The following MAP1B variants were observed in gnomAD, a reference collection of about 807,000 sequenced individuals.
The protein encoded by MAP1B is microtubule associated protein 1B.
Under a neutral mutation model 176.1 loss-of-function variants are expected in MAP1B, and 12 were observed. The ratio of observed to expected loss-of-function variants is 0.07; its 90% confidence interval spans 0.04 to 0.11. MAP1B has a LOEUF of 0.11. Among genes scored for constraint, MAP1B ranks in the 10% least tolerant of loss-of-function variants. MAP1B has a pLI of 1.00. For missense variants in MAP1B, 2,523 were observed against 2,990.5 expected (o/e 0.84, Z 3.65); for synonymous variants, 1,044 against 1,135.0 (o/e 0.92, Z 1.61).
chr5:72,108,758 G>C (rs1439649550), intron 1 of MAP1B, among the ~76,000 whole-genome samples: 1 of 152,058 alleles, frequency 6.6e-6, no homozygotes, highest in African/African-American at 2.4e-5. Context: ...GGGCTGGCGG[G>C]GGCCGCGCGC....
In MAP1B at chr5:72,200,282, A is replaced by C; in HGVS notation, c.6927A>C (p.Lys2309Asn). ...AAKPTTTPEV[K>N]AARGEEKDKE... ...AACCCACCACCACTCCTGAGGTCAAAGCTGCACGTGGGGAAGAGAAAGACA... is the reference window on the plus strand; with the variant it reads ...AACCCACCACCACTCCTGAGGTCAACGCTGCACGTGGGGAAGAGAAAGACA... Residue 2309 changes from lysine to asparagine, a missense_variant, in exon 5 of 7, where the codon AAA becomes AAC. Around this residue, in one of 4 missense-constraint regions of MAP1B, gnomAD observed 287 missense variants for 401.5 expected, o/e 0.71. Coordinates refer to ENST00000296755, the MANE Select transcript of MAP1B (RefSeq NM_005909.5). 6.2e-7 allele frequency: 1 copy of C among 1,614,232 alleles called. No individual in the cohort carries two copies. Among genetic ancestry groups the C allele is most frequent in the Non-Finnish European group, 8.5e-7 (1 of 1,180,038 alleles).
rs201475831 is a variant in MAP1B at position 72,183,789 on chromosome 5, C to T, written c.333C>T (p.Val111=). The T allele has an allele frequency of 6.2e-7, 1 of 1,613,976 alleles. No individual in the cohort carries two copies. Among genetic ancestry groups the T allele is most frequent in the Non-Finnish European group, 8.5e-7 (1 of 1,179,990 alleles). Residue 111 remains valine, a synonymous_variant, in exon 3 of 7, where the codon GTC becomes GTT. Coordinates refer to ENST00000296755, the MANE Select transcript of MAP1B (RefSeq NM_005909.5). ...HHRSDVLETV[V]LINPSDEAVS... ...GAAGTGACGTTTTAGAAACAGTGGT[C>T]CTGATCAACCCTTCTGATGAAGCAG...
At chr5:72,159,553 A>AG (rs1746291843) in intron 2 of MAP1B, among the ~76,000 whole-genome samples, 1 of 152,232 alleles carries the variant, frequency 6.6e-6, no homozygotes, top group African/African-American at 2.4e-5. Context: ...TATCTGTTTA[A>AG]GTTGACCATC....
chr5:72,115,215 C>T (rs1375674762), intron 1 of MAP1B, among the ~76,000 whole-genome samples: 1 of 152,190 alleles, frequency 6.6e-6, no homozygotes, highest in Non-Finnish European at 1.5e-5. Context: ...ACTACCAGAA[C>T]ATCATTTTAG....
At chr5:72,125,080 T>G (rs1277270968) in intron 2 of MAP1B, among the ~76,000 whole-genome samples, 1 of 152,226 alleles carries the variant, frequency 6.6e-6, no homozygotes, top group Non-Finnish European at 1.5e-5. Flanking sequence ...TTTTGATGTG[T>G]GAAAGATGTG....
chr5:72,155,073 C>T (rs1024940921), intron 2 of MAP1B, among the ~76,000 whole-genome samples: 6 of 150,266 alleles, frequency 4.0e-5, no homozygotes, highest in Admixed American at 1.3e-4. Flanking sequence ...GCATTGTTAC[C>T]GTGTCCTTAC....
At chr5:72,180,431 A>T (rs1380743094) in intron 2 of MAP1B, among the ~76,000 whole-genome samples, 5 of 152,192 alleles carry the variant, frequency 3.3e-5, no homozygotes, top group African/African-American at 1.2e-4. Flanking sequence ...TGATGGAAAG[A>T]CCTAGAAAGA....
At chr5:72,164,421 G>C (rs1252672845) in intron 2 of MAP1B, among the ~76,000 whole-genome samples, 2 of 152,176 alleles carry the variant, frequency 1.3e-5, no homozygotes, top group South Asian at 4.1e-4. Flanking sequence ...GGGGCATCTT[G>C]AGTTGAAGAG....
intron 2 of MAP1B, among the ~76,000 whole-genome samples, chr5:72,120,861 ATTG>A (rs1745515629): frequency 6.6e-6 from 1 of 152,182 alleles, no homozygotes; most frequent in Non-Finnish European, 1.5e-5. Context: ...ATATTTGGTG[ATTG>A]TTATTATCCG....
intron 2 of MAP1B, among the ~76,000 whole-genome samples, chr5:72,167,935 T>G (rs1414129543): frequency 6.6e-6 from 1 of 152,216 alleles, no homozygotes. Context: ...CTTCTGTCAT[T>G]TAAGAATTAT....
At position 72,195,368 on chromosome 5, in the gene MAP1B, G is replaced by C; in HGVS notation, c.2013G>C (p.Lys671Asn). The change falls in exon 5 of 7, where the codon AAG (lysine) becomes AAC (asparagine). Residue 671 changes from lysine (K) to asparagine (N), a missense_variant. By Grantham distance (94) the Lys-to-Asn change is moderately conservative. This residue lies in a region of MAP1B where 1,925 missense variants were observed against 2,126.0 expected (regional missense o/e 0.91). Transcript: ENST00000296755. Reference sequence around the variant, plus strand: ...AGGAGGACAAAACACCTATCAAGAAGGAGGAAAAACCAAAAAAGGAAGAGG... The same window carrying C: ...AGGAGGACAAAACACCTATCAAGAACGAGGAAAAACCAAAAAAGGAAGAGG... ...AKKEDKTPIK[K>N]EEKPKKEEVK... 6.3e-7 allele frequency: 1 copy of C among 1,575,548 alleles called. No homozygotes were observed. The highest frequency in any genetic ancestry group is 8.6e-7 in the Non-Finnish European group (1 of 1,165,676).
intron 2 of MAP1B, among the ~76,000 whole-genome samples, chr5:72,158,092 C>T (rs1746260373): frequency 6.6e-6 from 1 of 150,842 alleles, no homozygotes. Context: ...ACTGCAGGCT[C>T]CGCCCCCCGG....
chr5:72,192,860 A>C (rs1353108051), intron 4 of MAP1B, among the ~76,000 whole-genome samples: 3 of 152,224 alleles, frequency 2.0e-5, no homozygotes, highest in African/African-American at 7.2e-5. Flanking sequence ...GGAGTGAGAG[A>C]GACAAGTAGT....
At chr5:72,160,598 G>A (rs150319075) in intron 2 of MAP1B, among the ~76,000 whole-genome samples, 265 of 152,168 alleles carry the variant, frequency 1.7e-3, no homozygotes, top group South Asian at 6.6e-3. Flanking sequence ...TTATTCTACC[G>A]TATATCATTT....
intron 4 of MAP1B, among the ~76,000 whole-genome samples, chr5:72,190,569 T>A (rs1747005210): frequency 6.6e-6 from 1 of 152,350 alleles, no homozygotes; most frequent in Admixed American, 6.5e-5. Flanking sequence ...ACCTTAATTC[T>A]GCCATTCCAC....
In MAP1B at chr5:72,195,975, G is replaced by A. The variant is rs780650498; in HGVS notation, c.2620G>A (p.Glu874Lys). ...GAAACTGAAGGAAACTGAGCCAGTC[G>A]AAGCCTACGTCATCCAGAAGGAGAG... Reference protein sequence around the residue: ...EEKLKETEPVEAYVIQKEREV... With the variant: ...EEKLKETEPVKAYVIQKEREV... Residue 874 changes from glutamate (E) to lysine (K), a missense_variant, in exon 5 of 7, where the codon GAA (glutamate) becomes AAA (lysine). This residue lies in a region of MAP1B where 1,925 missense variants were observed against 2,126.0 expected (regional missense o/e 0.91). Coordinates refer to ENST00000296755, the MANE Select transcript of MAP1B (RefSeq NM_005909.5). 12 of 1,614,080 alleles carry A rather than the reference G, an allele frequency of 7.4e-6. No homozygotes were observed. The highest frequency in any genetic ancestry group is 2.7e-5 in the African/African-American group (2 of 74,928).
chr5:72,184,020 A>G (rs1193994007), intron 3 of MAP1B, among the ~76,000 whole-genome samples, 195 bp downstream of exon 3: 1 of 152,206 alleles, frequency 6.6e-6, no homozygotes, highest in African/African-American at 2.4e-5. Flanking sequence ...TCCTCCTGAT[A>G]AGGACAAAGA....
chr5:72,123,389 T>C (rs1745566015), intron 2 of MAP1B, among the ~76,000 whole-genome samples: 1 of 152,172 alleles, frequency 6.6e-6, no homozygotes, highest in African/African-American at 2.4e-5. Context: ...CTGCAGTCTC[T>C]GCCTCCTGGG....
In MAP1B at chr5:72,198,617, T is replaced by G; in HGVS notation, c.5262T>G (p.Ala1754=). ...AAGAAGATACTCTATCCGATGTTGC[T>G]CCTCCCAGAGATATGTCCTTATATG... is the stretch of plus-strand genomic sequence containing the variant. The part of the protein sequence containing the change: ...PLQEDTLSDV[A]PPRDMSLYAS... The change falls in exon 5 of 7, where the codon GCT becomes GCG. Residue 1754 remains alanine, a synonymous_variant. Transcript: ENST00000296755. 6.2e-7 allele frequency: 1 copy of G among 1,614,088 alleles called. No individual in the cohort carries two copies. Among genetic ancestry groups the G allele is most frequent in the East Asian group, 2.2e-5 (1 of 44,872 alleles).
Sources: gnomAD v4.1 joint callset for allele counts (sites outside exome capture counted in the v4.1 genomes callset) on GRCh38, gnomAD v4.1.1 for gene constraint, gnomAD v4.1.1 regional missense constraint, MANE v1.5 for transcripts, NCBI Gene and HGNC (gene_info 2026-07-23, HGNC 2026-07-21) for gene names.